CUL2: variants seen among roughly 807,000 people sequenced by gnomAD.
The protein encoded by CUL2 is cullin 2.
A neutral mutation model predicts 110.2 loss-of-function variants in CUL2; 22 were observed. The observed-to-expected ratio is 0.20, with a 90% CI of 0.14 to 0.28. The LOEUF (loss-of-function observed/expected upper bound fraction) is 0.28. Among genes scored for constraint, CUL2 ranks in the 10% least tolerant of loss-of-function variants. The pLI, the probability that CUL2 is intolerant of heterozygous loss-of-function variation, is 1.00. For synonymous variants in CUL2, 279 were observed against 293.2 expected (o/e 0.95, Z 0.49); for missense variants, 631 against 905.5 (o/e 0.70, Z 3.89).
chr10:35,102,610 C>T (rs1213726151), intron 1 of CUL2, among the ~76,000 whole-genome samples: 1 of 151,498 alleles, frequency 6.6e-6, no homozygotes, highest in Non-Finnish European at 1.5e-5. Flanking sequence ...AAAGGCCTGG[C>T]ACCGTGGCTC....
chr10:35,044,548 A>G lies in CUL2; in HGVS notation c.714+18T>C, dbSNP rs773823395. Reference sequence around the variant, plus strand: ...GATACAAAATAGATAAATGTATTCGATATGTTTTATTTCTTACCTTTTCCA... The same window carrying G: ...GATACAAAATAGATAAATGTATTCGGTATGTTTTATTTCTTACCTTTTCCA... On this transcript the variant is annotated intron_variant, in intron 8 of 20. Transcript: ENST00000374749. The G allele has an allele frequency of 2.1e-6, 3 of 1,451,372 alleles. No individual in the cohort carries two copies. The highest frequency in any genetic ancestry group is 2.3e-5 in the East Asian group (1 of 43,714). The allele number at this position is 1,451,372 out of a possible 1,614,324, so 89.9% of individuals were successfully genotyped here.
At chr10:35,010,620 A>G (rs1353765066) in intron 20 of CUL2, among the ~76,000 whole-genome samples, 178 bp from the exon 21 acceptor site, 1 of 152,220 alleles carries the variant, frequency 6.6e-6, no homozygotes, top group Non-Finnish European at 1.5e-5. Context: ...TAATAATGAT[A>G]CATAATTAAG....
intron 1 of CUL2, among the ~76,000 whole-genome samples, chr10:35,113,980 T>C (rs2087557093): frequency 6.6e-6 from 1 of 151,734 alleles, no homozygotes; most frequent in Non-Finnish European, 1.5e-5. Flanking sequence ...TGATCTCAGC[T>C]CACTGCAAGC....
chr10:35,083,857 G>T (rs2086997193), intron 1 of CUL2, among the ~76,000 whole-genome samples: 1 of 152,096 alleles, frequency 6.6e-6, no homozygotes, highest in Admixed American at 6.6e-5. Context: ...TTAAAACAAG[G>T]CTGAGATATT....
intron 12 of CUL2, 72 bp downstream of exon 12, chr10:35,032,363 T>G: frequency 7.8e-7 from 1 of 1,279,896 alleles, no homozygotes; most frequent in Non-Finnish European, 1.1e-6. Context: ...CCAAATTAAT[T>G]TGATATTCTG....
At chr10:35,027,062 T>C (rs1160666286) in intron 16 of CUL2, among the ~76,000 whole-genome samples, 2 of 151,912 alleles carry the variant, frequency 1.3e-5, no homozygotes, top group Non-Finnish European at 2.9e-5. Flanking sequence ...GGGCATTAAT[T>C]AGATCTCAAA....
intron 16 of CUL2, among the ~76,000 whole-genome samples, chr10:35,026,253 T>C (rs997706243): frequency 3.9e-5 from 6 of 152,204 alleles, no homozygotes; most frequent in Admixed American, 3.9e-4. Context: ...ATACTTCAGA[T>C]TGCCTGCTTA....
At chr10:35,012,641 C>A (rs1343328269) in intron 19 of CUL2, among the ~76,000 whole-genome samples, 1 of 152,168 alleles carries the variant, frequency 6.6e-6, no homozygotes, top group East Asian at 1.9e-4. Flanking sequence ...AAAATACAAT[C>A]TATATATTGC....
intron 1 of CUL2, among the ~76,000 whole-genome samples, chr10:35,080,804 G>C (rs1226287613): frequency 1.3e-5 from 2 of 152,162 alleles, no homozygotes; most frequent in African/African-American, 4.8e-5. Context: ...GGGGAAAAAA[G>C]AGTGAACAGA....
chr10:35,100,582 C>T lies in CUL2; in HGVS notation c.167+262G>A, dbSNP rs112281580. ...TTTAAGACCAGCCTGGCCAACATGG[C>T]GAAACCTCGTCTCTACTAAAAATAG... On this transcript the variant is annotated intron_variant, in intron 2 of 5. Coordinates refer to the CUL2 transcript ENST00000685421. Among the ~76,000 whole-genome samples, 936 of 151,832 alleles carry T rather than the reference C, an allele frequency of 6.2e-3. 11 individuals carry two copies. Among genetic ancestry groups the T allele is most frequent in the African/African-American group, 0.021 (884 of 41,418 alleles).
In CUL2 at chr10:35,044,633, C is replaced by T; in HGVS notation, c.647G>A (p.Gly216Glu). Residue 216 changes from glycine to glutamate, a missense_variant, in exon 8 of 21, where the codon GGA becomes GAA. Transcript: ENST00000374749. ...IFESPFLTET[G>E]EYYKQEASNL... ...TGAAGCTTCTTGTTTGTAATACTCT[C>T]CTGTTTCAGTCAGAAAGGGAGACTC... 1.9e-6 allele frequency: 3 copies of T among 1,611,194 alleles called. No homozygotes were observed. Among genetic ancestry groups the T allele is most frequent in the Non-Finnish European group, 2.5e-6 (3 of 1,179,458 alleles).
chr10:35,041,770 T>TGCGTA (rs2085796056), intron 8 of CUL2, among the ~76,000 whole-genome samples: 1 of 152,124 alleles, frequency 6.6e-6, no homozygotes, highest in Admixed American at 6.5e-5. Flanking sequence ...CTCCTGGACT[T>TGCGTA]GCGTAATCTG....
At chr10:35,068,501 G>GTGAACT (rs1443107401) in intron 2 of CUL2, among the ~76,000 whole-genome samples, 2 of 152,182 alleles carry the variant, frequency 1.3e-5, no homozygotes, top group Non-Finnish European at 2.9e-5. Flanking sequence ...GGGTGGGATT[G>GTGAACT]TGAACTTAGA....
chr10:35,037,359 T>C (rs2134753279), intron 9 of CUL2, among the ~76,000 whole-genome samples: 1 of 152,378 alleles, frequency 6.6e-6, no homozygotes, highest in East Asian at 1.9e-4. Flanking sequence ...TTCTAGGATC[T>C]CTTATTTTAT....
intron 16 of CUL2, among the ~76,000 whole-genome samples, chr10:35,028,311 G>A (rs1588965421): frequency 6.6e-6 from 1 of 152,134 alleles, no homozygotes; most frequent in Non-Finnish European, 1.5e-5. Context: ...CTGGTTACAG[G>A]ACTCTCCTCT....
intron 9 of CUL2, among the ~76,000 whole-genome samples, chr10:35,036,971 G>C (rs2085638173): frequency 6.6e-6 from 1 of 152,150 alleles, no homozygotes; most frequent in Admixed American, 6.5e-5. Flanking sequence ...CTGAGCTCAA[G>C]CAATCTTCCT....
intron 1 of CUL2, among the ~76,000 whole-genome samples, chr10:35,107,839 G>A (rs537621849): frequency 3.4e-4 from 45 of 133,150 alleles, no homozygotes; most frequent in African/African-American, 1.1e-3. Context: ...CCTAGATCGC[G>A]CCACTGCACT....
chr10:35,079,836 A>C (rs1460215766), intron 1 of CUL2, among the ~76,000 whole-genome samples: 1 of 152,170 alleles, frequency 6.6e-6, no homozygotes, highest in Non-Finnish European at 1.5e-5. Flanking sequence ...GCCCTTACTA[A>C]GTAAAATCAG....
chr10:35,046,240 T>C lies in CUL2; in HGVS notation c.507-1372A>G, dbSNP rs568585650. Among the ~76,000 whole-genome samples the C allele has an allele frequency of 3.7e-4, 57 of 152,384 alleles. No homozygotes were observed. In the South Asian group the frequency reaches 7.9e-3, roughly 21 times the overall value. Reference sequence around the variant, plus strand: ...CACATGTGAGCTCATTTCCTTGGCTTGGGTCACATGCGTGACCTCACATAA... The same window carrying C: ...CACATGTGAGCTCATTTCCTTGGCTCGGGTCACATGCGTGACCTCACATAA... On this transcript the variant is annotated intron_variant, in intron 6 of 20. Coordinates refer to ENST00000374749, the MANE Select transcript of CUL2 (RefSeq NM_003591.4).
Sources: allele counts gnomAD v4.1 joint callset (sites outside exome capture counted in the v4.1 genomes callset), GRCh38; gene constraint gnomAD v4.1.1; transcripts MANE v1.5; gene names NCBI Gene and HGNC (gene_info 2026-07-23, HGNC 2026-07-21).